The following ABLIM2 variants were observed in gnomAD, a reference collection of about 807,000 sequenced individuals.
ABLIM2 encodes the protein actin binding LIM protein family member 2, also known as actin-binding LIM protein 2.
ABLIM2 carries 53 observed loss-of-function variants against 97.7 expected under a neutral mutation model. That is an observed-to-expected ratio of 0.54 (90% CI 0.44 to 0.68). The LOEUF (loss-of-function observed/expected upper bound fraction) is 0.68. ABLIM2 is among the 30% of genes least tolerant of loss of function. The pLI, the probability that ABLIM2 is intolerant of heterozygous loss-of-function variation, is 0.00. For missense variants in ABLIM2, 835 were observed against 867.2 expected (o/e 0.96, Z 0.47); for synonymous variants, 361 against 345.8 (o/e 1.04, Z -0.49).
chr4:8,040,916 C>A (rs1788012997), intron 9 of ABLIM2, among the ~76,000 whole-genome samples: 1 of 152,220 alleles, frequency 6.6e-6, no homozygotes, highest in Non-Finnish European at 1.5e-5. Flanking sequence ...CAGCTCATAT[C>A]TCAGAGTGGC....
chr4:8,154,951 C>G (rs1431042722), intron 1 of ABLIM2, among the ~76,000 whole-genome samples: 3 of 152,188 alleles, frequency 2.0e-5, no homozygotes, highest in African/African-American at 7.2e-5. Flanking sequence ...AGAGCGTGTG[C>G]AGGGGAACTG....
At chr4:8,080,390 A>C (rs944519064) in intron 5 of ABLIM2, among the ~76,000 whole-genome samples, 41 of 152,132 alleles carry the variant, frequency 2.7e-4, no homozygotes, top group African/African-American at 8.4e-4. Context: ...AAAACTCAGC[A>C]CTGGCAGCCC....
rs1579676288 is a variant in ABLIM2 at position 8,046,235 on chromosome 4, A to C, written c.823-994T>G. ...TTGTGACTGTCCTGCCTCTCCCCCC[A>C]CCTCAGCCCCCTCCAGCCCTGCGGA... On this transcript the variant is annotated intron_variant, in intron 8 of 20. Transcript: ENST00000447017. The surrounding 1 kb of genome is among the most constrained non-coding windows in gnomAD (Gnocchi z 4.4). Among the ~76,000 whole-genome samples the C allele has an allele frequency of 3.4e-5, 5 of 148,684 alleles. No homozygotes were observed. The highest frequency in any genetic ancestry group is 6.7e-5 in the Admixed American group (1 of 14,954).
chr4:8,056,367 T>C (rs1226959338), intron 7 of ABLIM2, among the ~76,000 whole-genome samples: 2 of 145,914 alleles, frequency 1.4e-5, no homozygotes, highest in Admixed American at 7.1e-5. Flanking sequence ...GTGGTGCAAA[T>C]ATAGCTCACT....
chr4:7,993,754 C>T (rs757282223), intron 16 of ABLIM2, among the ~76,000 whole-genome samples: 7 of 152,168 alleles, frequency 4.6e-5, no homozygotes, highest in African/African-American at 4.8e-5. Flanking sequence ...TCTAGCTTCT[C>T]GTGAAATAAT....
At chr4:7,993,850 C>T (rs1578148867) in intron 16 of ABLIM2, 3 of 464,936 alleles carry the variant, frequency 6.5e-6, no homozygotes, top group South Asian at 3.1e-5. Context: ...CCTTTCCCAG[C>T]CCCCACCGAG....
rs139813855 is a variant in ABLIM2, at chr4:8,129,780, G to A, written c.11-23143C>T. ...GCTCTGGGGCCCTGGGAGGGCTGGC[G>A]TTGAGAAGTGTCAGGGCTAGAAGAG... is the stretch of plus-strand genomic sequence containing the variant. On this transcript the variant is annotated intron_variant, in intron 1 of 20. Coordinates refer to ENST00000447017, the MANE Select transcript of ABLIM2 (RefSeq NM_001130083.2). 6.3e-3 allele frequency among the ~76,000 whole-genome samples: 963 copies of A among 152,290 alleles called. 11 individuals carry two copies. The highest frequency in any genetic ancestry group is 0.022 in the African/African-American group (899 of 41,544).
At chr4:7,981,400 A>C (rs1738324576) in intron 20 of ABLIM2, among the ~76,000 whole-genome samples, 1 of 152,094 alleles carries the variant, frequency 6.6e-6, no homozygotes, top group Non-Finnish European at 1.5e-5. Flanking sequence ...GACCGAACCA[A>C]TGTGTACCTT....
chr4:8,030,063 G>A (rs908913362), intron 10 of ABLIM2, among the ~76,000 whole-genome samples: 1 of 152,156 alleles, frequency 6.6e-6, no homozygotes, highest in Non-Finnish European at 1.5e-5. Flanking sequence ...GCCGGTGGGG[G>A]CTCCAGCTTC....
intron 20 of ABLIM2, among the ~76,000 whole-genome samples, chr4:7,973,495 C>T (rs552618973): frequency 3.5e-5 from 5 of 141,248 alleles, no homozygotes; most frequent in South Asian, 4.5e-4. Flanking sequence ...AGTGAGACTA[C>T]GTCTTGAAAA....
intron 5 of ABLIM2, among the ~76,000 whole-genome samples, chr4:8,078,927 C>A (rs1384166380): frequency 1.3e-5 from 2 of 152,366 alleles, no homozygotes; most frequent in East Asian, 3.9e-4. Flanking sequence ...GCTGAAGTTG[C>A]TGTAGTGTTC....
intron 1 of ABLIM2, among the ~76,000 whole-genome samples, chr4:8,129,877 C>G (rs1022924701): frequency 6.6e-6 from 1 of 152,208 alleles, no homozygotes; most frequent in Non-Finnish European, 1.5e-5. Context: ...CTGGAGAGTT[C>G]TGTACCTAAT....
rs534410309 is a variant in ABLIM2, at chr4:8,081,387, T to A, written c.455-585A>T. On this transcript the variant is annotated intron_variant, in intron 4 of 20. Transcript: ENST00000447017. ...CAGCCGTGCCTGCCCTGCTCACTTG[T>A]CCTGTGTCCCAGGGCCTGGTCTTTG... is the stretch of plus-strand genomic sequence containing the variant. 2.0e-5 allele frequency among the ~76,000 whole-genome samples: 3 copies of A among 152,300 alleles called. No individual in the cohort carries two copies. In the East Asian group the frequency reaches 5.8e-4, roughly 29 times the overall value.
chr4:8,088,120 C>G (rs1425612872), intron 4 of ABLIM2, 49 bp downstream of exon 4: 4 of 821,876 alleles, frequency 4.9e-6, no homozygotes, highest in Non-Finnish European at 5.2e-6. Context: ...TTAGCACCCC[C>G]CACTCAGCAT....
chr4:7,973,377 T>C (rs187145227), intron 20 of ABLIM2, among the ~76,000 whole-genome samples: 1 of 151,966 alleles, frequency 6.6e-6, no homozygotes, highest in Non-Finnish European at 1.5e-5. Context: ...GGTACATGCC[T>C]GTAGTCCCAG....
intron 20 of ABLIM2, among the ~76,000 whole-genome samples, chr4:7,975,869 C>T (rs929249563): frequency 5.3e-5 from 8 of 152,264 alleles, no homozygotes; most frequent in Middle Eastern, 3.4e-3. Flanking sequence ...TAGGCCTGAG[C>T]GAATGCCCGA....
intron 1 of ABLIM2, among the ~76,000 whole-genome samples, chr4:8,151,071 C>G (rs1166212141): frequency 6.6e-6 from 1 of 152,146 alleles, no homozygotes; most frequent in Non-Finnish European, 1.5e-5. Context: ...ATCACCTGTA[C>G]TTTTTATGTG....
intron 2 of ABLIM2, among the ~76,000 whole-genome samples, chr4:8,104,910 T>C (rs1441002914): frequency 6.6e-6 from 1 of 152,138 alleles, no homozygotes; most frequent in African/African-American, 2.4e-5. Flanking sequence ...TAGTGGACAA[T>C]GTCTGCACTC....
intron 1 of ABLIM2, among the ~76,000 whole-genome samples, chr4:8,154,577 G>A (rs955442171): frequency 5.9e-5 from 9 of 152,234 alleles, no homozygotes; most frequent in Non-Finnish European, 8.8e-5. Context: ...ACCGCACCCG[G>A]CCAATTAAAC....
Sources: allele counts gnomAD v4.1 joint callset (sites outside exome capture counted in the v4.1 genomes callset), GRCh38; gene constraint gnomAD v4.1.1; non-coding constraint Gnocchi (gnomAD v3.1); transcripts MANE v1.5; gene names NCBI Gene and HGNC (gene_info 2026-07-23, HGNC 2026-07-21).